Variants in NARF observed in about 807,000 individuals in gnomAD.
The protein encoded by NARF is iron-only hydrogenase-like protein 2.
NARF carries 41 observed loss-of-function variants against 48.0 expected under a neutral mutation model. The ratio of observed to expected loss-of-function variants is 0.85; its 90% CI spans 0.66 to 1.11. The LOEUF is 1.11. Ranked by LOEUF, NARF falls within the 50% of genes least tolerant of loss-of-function variation. The pLI, the probability that NARF is intolerant of heterozygous loss-of-function variation, is 0.00. For synonymous variants in NARF, 215 were observed against 225.5 expected (o/e 0.95, Z 0.42); for missense variants, 613 against 590.2 (o/e 1.04, Z -0.40).
intron 6 of NARF, chr17:82,480,854 C>A (rs2043946586): frequency 1.8e-6 from 1 of 562,866 alleles, no homozygotes; most frequent in African/African-American, 1.9e-5. Flanking sequence ...ATCGCTTGAA[C>A]CCGGGAGGCA....
chr17:82,487,514 C>T (rs1452542518), intron 10 of NARF, among the ~76,000 whole-genome samples: 1 of 151,840 alleles, frequency 6.6e-6, no homozygotes, highest in African/African-American at 2.4e-5. Context: ...ATGAGAGGCA[C>T]ACGGGGCTGT....
At chr17:82,486,270 C>T (rs1263408757) in intron 10 of NARF, among the ~76,000 whole-genome samples, 1 of 152,148 alleles carries the variant, frequency 6.6e-6, no homozygotes, top group Non-Finnish European at 1.5e-5. Context: ...AGGGGACCCT[C>T]TGCCCCTGAC....
At chr17:82,472,126 T>C (rs2043724919) in intron 4 of NARF, among the ~76,000 whole-genome samples, 1 of 152,138 alleles carries the variant, frequency 6.6e-6, no homozygotes, top group African/African-American at 2.4e-5. Flanking sequence ...TTAGGAGGGA[T>C]GCCTGTAGAA....
chr17:82,458,587 C>T (rs1165417796), upstream of NARF: 2 of 548,580 alleles, frequency 3.6e-6, no homozygotes, highest in Non-Finnish European at 5.7e-6. Context: ...CCGACACTGT[C>T]ATTGGCCTAG....
chr17:82,467,413 A>G (rs1016257488), intron 3 of NARF, among the ~76,000 whole-genome samples: 7 of 152,212 alleles, frequency 4.6e-5, no homozygotes, highest in African/African-American at 1.7e-4. Context: ...TAGTTTATGC[A>G]GTATTTTTTT....
chr17:82,480,856 C>A, intron 6 of NARF: 1 of 552,966 alleles, frequency 1.8e-6, no homozygotes, highest in Non-Finnish European at 3.1e-6. Context: ...CGCTTGAACC[C>A]GGGAGGCAGA....
upstream of NARF, chr17:82,458,669 C>G (rs951476522): frequency 8.2e-7 from 1 of 1,215,826 alleles, no homozygotes; most frequent in Non-Finnish European, 1.1e-6. Context: ...CTCTCATTGG[C>G]CGAGCGCGGC....
chr17:82,477,535 CAG>C (rs1406680892), intron 5 of NARF: 3 of 152,164 alleles, frequency 2.0e-5, no homozygotes, highest in African/African-American at 7.2e-5. Context: ...AAAAACAACA[CAG>C]AGTCTTGCTC....
At chr17:82,487,803 ATT>A in intron 10 of NARF, 111 bp from the exon 11 acceptor site, 1 of 1,194,860 alleles carries the variant, frequency 8.4e-7, no homozygotes, top group Non-Finnish European at 1.2e-6. Context: ...TCTACAAAAA[ATT>A]TAAAAATCAG....
chr17:82,471,791 C>CAAAAAAAAAAAAAAAAAAAAAAAA (rs58302009), intron 4 of NARF, among the ~76,000 whole-genome samples: 4 of 64,538 alleles, frequency 6.2e-5, no homozygotes, highest in African/African-American at 1.8e-4. Context: ...GACTCCGTCT[C>CAAAAAAAAAAAAAAAAAAAAAAAA]AAAAAAAAAA....
intron 3 of NARF, among the ~76,000 whole-genome samples, chr17:82,464,818 G>C (rs536485655): frequency 3.9e-5 from 6 of 152,256 alleles, no homozygotes; most frequent in African/African-American, 1.2e-4. Context: ...CTAATAGACC[G>C]ATCAGCTTGG....
At chr17:82,469,048 T>C (rs1186482106) in intron 4 of NARF, 152 bp downstream of exon 4, 55 of 845,406 alleles carry the variant, frequency 6.5e-5, no homozygotes, top group Non-Finnish European at 9.7e-5. Context: ...CCGTGTGTCA[T>C]GAAACCCAGC....
chr17:82,484,688 T>C lies in NARF; in HGVS notation c.834-125T>C. 8 of 1,199,084 alleles carry C rather than the reference T, an allele frequency of 6.7e-6. No individual in the cohort carries two copies. The South Asian group carries it at 1.2e-4, about 18-fold the overall frequency. The allele number at this position is 1,199,084 out of a possible 1,614,324, so 74.3% of individuals were successfully genotyped here. Reference sequence around the variant, plus strand: ...GGACTTTCTGCAAAGTTTAAACATCTGTACAGGATTTAGCTTCTTTGGTGG... The same window carrying C: ...GGACTTTCTGCAAAGTTTAAACATCCGTACAGGATTTAGCTTCTTTGGTGG... On this transcript the variant is annotated intron_variant, in intron 8 of 10. Transcript: ENST00000309794.
intron 6 of NARF, chr17:82,480,398 T>C (rs886187509): frequency 2.5e-6 from 1 of 401,848 alleles, no homozygotes; most frequent in African/African-American, 2.0e-5. Context: ...TTTGTCCCCA[T>C]GTGCACAGGT....
rs1219533741 is a variant in NARF at position 82,484,959 on chromosome 17, C to T, written c.971+9C>T. 1.9e-6 allele frequency: 3 copies of T among 1,595,864 alleles called. No homozygotes were observed. The Admixed American group carries it at 5.2e-5, about 28-fold the overall frequency. On this transcript the variant is annotated intron_variant, in intron 9 of 10. Coordinates refer to ENST00000309794, the MANE Select transcript of NARF (RefSeq NM_012336.4). ...ACTTACCGAGCCCTGAGGTGTGGGG[C>T]AGTATCCACAGCCTGTCTGTGCCTG...
chr17:82,464,470 C>T (rs1328643498), intron 3 of NARF, 40 bp downstream of exon 3: 1 of 1,580,260 alleles, frequency 6.3e-7, no homozygotes, highest in Admixed American at 1.8e-5. Flanking sequence ...GGGGAGCTGA[C>T]CTGGAGGAAG....
At position 82,481,206 on chromosome 17, in the gene NARF, C is replaced by T; in HGVS notation, c.764C>T (p.Thr255Ile). The T allele has an allele frequency of 6.2e-7, 1 of 1,613,972 alleles. No individual in the cohort carries two copies. Among genetic ancestry groups the T allele is most frequent in the South Asian group, 1.1e-5 (1 of 91,078 alleles). ...TCCCGGGGCGCTGACTGCGTGTTAA[C>T]ATCAGGTGAGAGGTGGGCGGGGGTG... ...HGSRGADCVL[T>I]SGEIAQIMEQ... Residue 255 changes from threonine (T) to isoleucine (I), a missense_variant, in exon 7 of 11, where the codon ACA becomes ATA. Transcript: ENST00000309794.
chr17:82,469,862 C>T (rs533525786), intron 4 of NARF, among the ~76,000 whole-genome samples: 36 of 151,796 alleles, frequency 2.4e-4, no homozygotes, highest in African/African-American at 8.7e-4. Context: ...CCTTGGCCTC[C>T]CAAAGTGCTG....
At chr17:82,478,620 C>A in intron 5 of NARF, 180 bp from the exon 6 acceptor site, 1 of 691,386 alleles carries the variant, frequency 1.4e-6, no homozygotes. Context: ...TCCCATGACC[C>A]ACAGCCGGGC....
Sources: gnomAD v4.1 joint callset for allele counts (sites outside exome capture counted in the v4.1 genomes callset) on GRCh38, gnomAD v4.1.1 for gene constraint, MANE v1.5 for transcripts, NCBI Gene and HGNC (gene_info 2026-07-23, HGNC 2026-07-21) for gene names.